Variants in DNAH17 observed in about 807,000 individuals in gnomAD.
The protein encoded by DNAH17 is dynein axonemal heavy chain 17.
In DNAH17, 376 loss-of-function variants were observed where a neutral mutation model predicts 485.6. The observed-to-expected ratio is 0.77, with a 90% CI of 0.71 to 0.84. The LOEUF (loss-of-function observed/expected upper bound fraction) is 0.84. Ranked by LOEUF, DNAH17 falls within the 40% of genes least tolerant of loss-of-function variation. The probability of loss-of-function intolerance (pLI) is 0.00; values close to 1 mark genes in which losing one functional copy is unlikely to be tolerated. For missense variants in DNAH17, 6,370 were observed against 5,839.3 expected, an observed-to-expected ratio of 1.09 and a Z score of -2.96; for synonymous variants, 3,031 against 2,405.9, an observed-to-expected ratio of 1.26 and a Z score of -7.60.
rs767331832 is a variant in DNAH17, at chr17:78,461,570, C to T, written c.9313G>A (p.Glu3105Lys). ...SKEKAIADQE[E>K]VKVEVINKNV... ...TTATTGATGACCTCGACCTTGACTTCTTCCTGGTCAGCAATGGCCTTCTCT... is the reference window on the plus strand; with the variant it reads ...TTATTGATGACCTCGACCTTGACTTTTTCCTGGTCAGCAATGGCCTTCTCT... Residue 3105 changes from glutamate (E) to lysine (K), a missense_variant, in exon 58 of 81, where the codon GAA becomes AAA. Coordinates refer to ENST00000389840, the MANE Select transcript of DNAH17 (RefSeq NM_173628.4). The T allele has an allele frequency of 6.2e-7, 1 of 1,601,388 alleles. No homozygotes were observed. Among genetic ancestry groups the T allele is most frequent in the East Asian group, 2.3e-5 (1 of 44,372 alleles).
chr17:78,572,408 G>A (rs114267363), intron 3 of DNAH17, among the ~76,000 whole-genome samples: 2,107 of 152,208 alleles, frequency 0.014, 54 homozygotes, highest in African/African-American at 0.049. Flanking sequence ...CCTTCTGCTT[G>A]CTGGGTGGTG....
At chr17:78,478,961 A>C in intron 51 of DNAH17, 64 bp downstream of exon 51, 1 of 1,396,910 alleles carries the variant, frequency 7.2e-7, no homozygotes, top group Admixed American at 1.8e-5. Flanking sequence ...GTGATGAGGA[A>C]AGCACCTGTG....
intron 79 of DNAH17, 149 bp from the exon 80 acceptor site, chr17:78,425,720 G>C: frequency 1.8e-6 from 1 of 558,558 alleles, no homozygotes. Flanking sequence ...GGGCCATGGA[G>C]CCCAGCCACC....
chr17:78,529,537 G>A lies in DNAH17; in HGVS notation c.3442C>T (p.Gln1148Ter). Residue 1148 changes from glutamine (Q) to a stop codon, truncating the protein, a stop_gained, in exon 22 of 81, where the codon CAA (glutamine) becomes TAA (stop). Coordinates refer to ENST00000389840, the MANE Select transcript of DNAH17 (RefSeq NM_173628.4). LOFTEE classifies it high-confidence loss of function. Reference sequence around the variant, plus strand: ...TAGGTCTTGAGCAGCTCGATGGTTTGCTTCAGGGGCTCAAACATGTTGTCG... The same window carrying A: ...TAGGTCTTGAGCAGCTCGATGGTTTACTTCAGGGGCTCAAACATGTTGTCG... ...ATDNMFEPLK[Q>*]TIELLKTYGE... 1.9e-6 allele frequency: 3 copies of A among 1,613,950 alleles called. No individual in the cohort carries two copies. The highest frequency in any genetic ancestry group is 2.5e-6 in the Non-Finnish European group (3 of 1,179,888).
chr17:78,431,148 G>C (rs2086656467), intron 75 of DNAH17, among the ~76,000 whole-genome samples: 2 of 152,088 alleles, frequency 1.3e-5, no homozygotes. Flanking sequence ...CACAGTGCTG[G>C]GATTACAGGC....
rs2091404186 is a variant in DNAH17, at chr17:78,537,294, C to A, written c.2859+5G>T. 6.4e-7 allele frequency: 1 copy of A among 1,557,296 alleles called. No homozygotes were observed. Among genetic ancestry groups the A allele is most frequent in the Non-Finnish European group, 8.7e-7 (1 of 1,150,508 alleles). On this transcript the variant is annotated splice_donor_5th_base_variant and intron_variant, in intron 19 of 80. Transcript: ENST00000389840. Reference sequence around the variant, plus strand: ...TGTGTACGGCCAGAAGAGGCCAGGACTGACCTTGTAGTTCATCCTGTCCTT... The same window carrying A: ...TGTGTACGGCCAGAAGAGGCCAGGAATGACCTTGTAGTTCATCCTGTCCTT...
At chr17:78,470,066 AC>A (rs2088674691) in intron 54 of DNAH17, among the ~76,000 whole-genome samples, 1 of 99,122 alleles carries the variant, frequency 1.0e-5, no homozygotes, top group Admixed American at 1.3e-4. Context: ...AAAATGTCTT[AC>A]TCTTTTTTTT....
chr17:78,502,238 G>T (rs1357882277), intron 33 of DNAH17: 2 of 347,670 alleles, frequency 5.8e-6, no homozygotes, highest in Non-Finnish European at 5.2e-6. Context: ...TGTCATGCTT[G>T]GGTTGTGGAA....
intron 26 of DNAH17, chr17:78,510,789 G>A (rs560425192): frequency 2.0e-5 from 7 of 355,480 alleles, no homozygotes; most frequent in South Asian, 8.0e-5. Flanking sequence ...GAACCTTCAC[G>A]TGTCACCTTA....
In DNAH17 at chr17:78,435,469, C is replaced by T. The variant is rs1393626000; in HGVS notation, c.12034-1249G>A. Reference sequence around the variant, plus strand: ...TACCCACAGGTCTCAGCTGTCACTCCCTGGCTACCCACCTCCCCAACCAGA... The same window carrying T: ...TACCCACAGGTCTCAGCTGTCACTCTCTGGCTACCCACCTCCCCAACCAGA... On this transcript the variant is annotated intron_variant, in intron 74 of 80. Coordinates refer to ENST00000389840, the MANE Select transcript of DNAH17 (RefSeq NM_173628.4). Among the ~76,000 whole-genome samples, 3 of 152,110 alleles carry T rather than the reference C, an allele frequency of 2.0e-5. No homozygotes were observed. The East Asian group carries it at 5.8e-4, about 29-fold the overall frequency.
chr17:78,494,968 G>A lies in DNAH17; in HGVS notation c.6033C>T (p.Leu2011=), dbSNP rs779466566. ...TCCAGGACACACACACCTGCTTCGA[G>A]AGCAGCTCCTTGCACAAGGTGTACA... ...ITLYTLCKEL[L]SKQDHYDWGL... The change falls in exon 39 of 81, where the codon CTC becomes CTT. Residue 2011 remains leucine, a synonymous_variant. Transcript: ENST00000389840. 2.5e-6 allele frequency: 4 copies of A among 1,612,828 alleles called. No individual in the cohort carries two copies. The highest frequency in any genetic ancestry group is 3.4e-6 in the Non-Finnish European group (4 of 1,179,254).
intron 25 of DNAH17, 71 bp downstream of exon 25, chr17:78,524,938 G>A: frequency 1.3e-6 from 2 of 1,541,902 alleles, no homozygotes; most frequent in Non-Finnish European, 1.8e-6. Context: ...CCCAGAGCCT[G>A]CCCTCTTGTT....
chr17:78,437,587 G>A lies in DNAH17; in HGVS notation c.12033+54C>T, dbSNP rs543741834. ...GTGGTCCTCGGGGCCCCAAGGGATG[G>A]ATGCCAGGCCGTGGCATGGGATGGG... On this transcript the variant is annotated intron_variant, in intron 74 of 80. Transcript: ENST00000389840. 4.9e-3 allele frequency: 7,148 copies of A among 1,459,914 alleles called. 21 individuals carry two copies. The highest frequency in any genetic ancestry group is 6.0e-3 in the Non-Finnish European group (6,512 of 1,077,282). 90.4% of individuals were successfully genotyped at this position (1,459,914 alleles called of 1,614,324 possible).
Position 78,439,665 on chromosome 17 carries a change from C to CTTTTTT in DNAH17, c.11678-454_11678-449dup, listed in dbSNP as rs11399691. Among the ~76,000 whole-genome samples, 26 of 92,198 alleles carry CTTTTTT rather than the reference C, an allele frequency of 2.8e-4. 1 individual carries two copies. The highest frequency in any genetic ancestry group is 3.7e-4 in the Non-Finnish European group (18 of 49,038). 60.5% of individuals were successfully genotyped at this position (92,198 alleles called of 152,430 possible). The stretch of plus-strand genomic sequence containing the variant: ...CGTTGTAGCATGTATCAGTACTTCA[C>CTTTTTT]TTTTTTTTTTTTTTTTTTTTTTGAG... On this transcript the variant is annotated intron_variant, in intron 72 of 80. Transcript: ENST00000389840.
At position 78,494,109 on chromosome 17, in the gene DNAH17, A is replaced by T; in HGVS notation, c.6335T>A (p.Val2112Glu). 1 of 1,612,844 alleles carries T rather than the reference A, an allele frequency of 6.2e-7. No individual in the cohort carries two copies. The highest frequency in any genetic ancestry group is 8.5e-7 in the Non-Finnish European group (1 of 1,179,832). Residue 2112 changes from valine to glutamate, a missense_variant, in exon 41 of 81, where the codon GTG becomes GAG. Coordinates refer to ENST00000389840, the MANE Select transcript of DNAH17 (RefSeq NM_173628.4). ...GACCTGCAGCAGCTCCTCCAGCTGC[A>T]CCACCTTCAGCACGAAGCTGTCCTC... ...QAEDSFVLKV[V>E]QLEELLQVRH...
At chr17:78,521,148 G>A (rs2090922762) in intron 25 of DNAH17, among the ~76,000 whole-genome samples, 1 of 152,260 alleles carries the variant, frequency 6.6e-6, no homozygotes, top group South Asian at 2.1e-4. Flanking sequence ...GCTCACGCCT[G>A]TAATCCCAGT....
Position 78,494,718 on chromosome 17 carries a change from G to C in DNAH17, c.6145C>G (p.Arg2049Gly). The change falls in exon 40 of 81, where the codon CGG becomes GGG. Residue 2049 changes from arginine to glycine, a missense_variant. By Grantham distance (125) the Arg-to-Gly change is moderately radical. Transcript: ENST00000389840. The part of the protein sequence containing the change: ...PSRAEDQVLM[R>G]ALRDFNIPKI... ...GGGATGTTGAAGTCTCTCAGCGCCC[G>C]CATGAGCACCTGGTCCTCTGCCCGG... 3.1e-6 allele frequency: 5 copies of C among 1,613,818 alleles called. No homozygotes were observed. The highest frequency in any genetic ancestry group is 4.2e-6 in the Non-Finnish European group (5 of 1,179,884).
At chr17:78,567,194 T>C (rs1361680201) in intron 9 of DNAH17, 28 bp from the exon 10 acceptor site, 1 of 1,573,022 alleles carries the variant, frequency 6.4e-7, no homozygotes, top group East Asian at 2.3e-5. Context: ...CACAGTCAAT[T>C]CATCTTCACA....
At chr17:78,455,974 CTT>C in intron 62 of DNAH17, 138 bp from the exon 63 acceptor site, 1 of 727,554 alleles carries the variant, frequency 1.4e-6, no homozygotes, top group Non-Finnish European at 2.1e-6. Flanking sequence ...GATGAAAATG[CTT>C]TTGGGAGGAA....
Sources: gnomAD v4.1 joint callset for allele counts (sites outside exome capture counted in the v4.1 genomes callset) on GRCh38, gnomAD v4.1.1 for gene constraint, MANE v1.5 for transcripts, NCBI Gene and HGNC (gene_info 2026-07-23, HGNC 2026-07-21) for gene names.